LUZP2: variants seen among roughly 807,000 people sequenced by gnomAD.
The protein encoded by LUZP2 is leucine zipper protein 2.
In LUZP2, 52 loss-of-function variants were observed where a neutral mutation model predicts 51.6. That is an observed-to-expected ratio of 1.01 (90% CI 0.81 to 1.27). The LOEUF (loss-of-function observed/expected upper bound fraction) is 1.27, where lower values mean the gene tolerates loss of function less well. Ranked by LOEUF, LUZP2 falls within the 50% of genes most tolerant of loss-of-function variation. The pLI, the probability that LUZP2 is intolerant of heterozygous loss-of-function variation, is 0.00. For synonymous variants in LUZP2, 154 were observed against 137.3 expected (o/e 1.12, Z -0.85); for missense variants, 436 against 395.4 (o/e 1.10, Z -0.87).
intron 1 of LUZP2, among the ~76,000 whole-genome samples, chr11:24,694,837 C>T (rs541600179): frequency 1.4e-4 from 21 of 151,682 alleles, no homozygotes; most frequent in African/African-American, 5.1e-4. Context: ...AACTAAACGC[C>T]GCATGTTCTC....
intron 9 of LUZP2, among the ~76,000 whole-genome samples, chr11:24,988,195 A>G (rs1385616638): frequency 6.6e-6 from 1 of 151,996 alleles, no homozygotes; most frequent in East Asian, 1.9e-4. Flanking sequence ...TATCTCCAAC[A>G]TCCCATGAAC....
At chr11:24,805,404 A>G (rs890688785) in intron 5 of LUZP2, among the ~76,000 whole-genome samples, 23 of 152,062 alleles carry the variant, frequency 1.5e-4, no homozygotes, top group African/African-American at 5.6e-4. Context: ...ACCATATCAC[A>G]GGGTTTCACC....
At chr11:24,741,993 A>T in intron 4 of LUZP2, among the ~76,000 whole-genome samples, 1 of 132,158 alleles carries the variant, frequency 7.6e-6, no homozygotes, top group African/African-American at 2.9e-5. Flanking sequence ...TTATATATAA[A>T]TGTATATATT....
At chr11:24,763,379 G>T in intron 5 of LUZP2, 71 bp downstream of exon 5, 1 of 668,584 alleles carries the variant, frequency 1.5e-6, no homozygotes. Context: ...ATATAAAGTT[G>T]CCACTAGTTT....
chr11:24,886,152 TA>T (rs1490003566), intron 5 of LUZP2, among the ~76,000 whole-genome samples: 9 of 152,218 alleles, frequency 5.9e-5, no homozygotes, highest in African/African-American at 1.9e-4. Context: ...GTATGTATAT[TA>T]AAAACATAAT....
chr11:24,574,057 CTT>C (rs529014780), intron 1 of LUZP2, among the ~76,000 whole-genome samples: 90 of 151,160 alleles, frequency 6.0e-4, no homozygotes, highest in South Asian at 1.7e-3. Flanking sequence ...TTTTTCTTTC[CTT>C]CTCTCTTTCG....
At chr11:24,856,630 T>A (rs1206687772) in intron 5 of LUZP2, among the ~76,000 whole-genome samples, 1 of 152,124 alleles carries the variant, frequency 6.6e-6, no homozygotes, top group Admixed American at 6.5e-5. Flanking sequence ...TGTACTTGTA[T>A]GTTTATCACA....
At chr11:25,032,347 A>C (rs1177884632) in intron 9 of LUZP2, among the ~76,000 whole-genome samples, 2 of 152,206 alleles carry the variant, frequency 1.3e-5, no homozygotes, top group Admixed American at 6.6e-5. Context: ...GTATGACAAC[A>C]AATTTAGCAA....
chr11:24,834,464 T>C (rs866020273), intron 5 of LUZP2, among the ~76,000 whole-genome samples: 1 of 152,380 alleles, frequency 6.6e-6, no homozygotes, highest in East Asian at 1.9e-4. Flanking sequence ...ATGGTGTATA[T>C]GTGCCACATT....
intron 1 of LUZP2, among the ~76,000 whole-genome samples, chr11:24,547,965 A>G (rs1025489992): frequency 6.6e-6 from 1 of 152,114 alleles, no homozygotes; most frequent in Non-Finnish European, 1.5e-5. Context: ...CACACCACTA[A>G]TCATTGGAGA....
intron 5 of LUZP2, among the ~76,000 whole-genome samples, chr11:24,811,494 C>CT (rs987044606): frequency 5.7e-4 from 85 of 148,380 alleles, no homozygotes; most frequent in Admixed American, 2.2e-3. Context: ...TGGAGTAATC[C>CT]TTTTTTTTTT....
chr11:24,653,830 TGTTACG>T (rs1855716481), intron 1 of LUZP2, among the ~76,000 whole-genome samples: 1 of 152,216 alleles, frequency 6.6e-6, no homozygotes, highest in South Asian at 2.1e-4. Flanking sequence ...ACTGCCCATG[TGTTACG>T]GTAAGATATG....
chr11:24,926,277 A>ATATATATATACGTGTG (rs1436516659), intron 7 of LUZP2, among the ~76,000 whole-genome samples: 3 of 45,258 alleles, frequency 6.6e-5, no homozygotes, highest in Admixed American at 2.3e-4. Context: ...ATATACGTGT[A>ATATATATATACGTGTG]TATATATATA....
At position 24,778,919 on chromosome 11, in the gene LUZP2, G is replaced by A. The variant is rs143240919; in HGVS notation, c.396+15611G>A. Among the ~76,000 whole-genome samples, 1,128 of 152,220 alleles carry A rather than the reference G, an allele frequency of 7.4e-3. 5 individuals carry two copies. The highest frequency in any genetic ancestry group is 0.012 in the Non-Finnish European group (825 of 68,006). ...AACTGATAACATCAGTAATACCTGA[G>A]TACTAAACTCAATGTAAATTCCAAC... On this transcript the variant is annotated intron_variant, in intron 5 of 11. Transcript: ENST00000336930.
intron 5 of LUZP2, among the ~76,000 whole-genome samples, chr11:24,863,344 G>T (rs1851794103): frequency 6.6e-6 from 1 of 152,048 alleles, no homozygotes; most frequent in South Asian, 2.1e-4. Flanking sequence ...AATGTTGTTT[G>T]TCCATAAAAT....
chr11:24,744,143 T>C (rs886172989), intron 4 of LUZP2, among the ~76,000 whole-genome samples: 26 of 152,146 alleles, frequency 1.7e-4, no homozygotes, highest in African/African-American at 5.1e-4. Flanking sequence ...TTAGTGTCTA[T>C]GTTCATGAAG....
At chr11:24,945,184 C>T (rs1016946226) in intron 7 of LUZP2, among the ~76,000 whole-genome samples, 5 of 152,096 alleles carry the variant, frequency 3.3e-5, no homozygotes, top group African/African-American at 4.8e-5. Context: ...GCATCCTTTC[C>T]GCATCTTTCT....
rs1409342456 is a variant in LUZP2 at position 24,648,910 on chromosome 11, A to G, written c.63-80259A>G. Among the ~76,000 whole-genome samples, 3 of 152,096 alleles carry G rather than the reference A, an allele frequency of 2.0e-5. No individual in the cohort carries two copies. The East Asian group carries it at 5.8e-4, about 29-fold the overall frequency. On this transcript the variant is annotated intron_variant, in intron 1 of 11. Coordinates refer to ENST00000336930, the MANE Select transcript of LUZP2 (RefSeq NM_001009909.4). Reference sequence around the variant, plus strand: ...TGGAACTAACCTAATATTTTCTTTAATGACCCCTCTAAATATTTTCTATCA... The same window carrying G: ...TGGAACTAACCTAATATTTTCTTTAGTGACCCCTCTAAATATTTTCTATCA...
chr11:24,800,226 A>G (rs1056380121), intron 5 of LUZP2, among the ~76,000 whole-genome samples: 8 of 152,096 alleles, frequency 5.3e-5, no homozygotes, highest in Non-Finnish European at 8.8e-5. Flanking sequence ...ATAACGGATA[A>G]GCTTTTTCTC....
Sources: allele counts gnomAD v4.1 joint callset (sites outside exome capture counted in the v4.1 genomes callset), GRCh38; gene constraint gnomAD v4.1.1; transcripts MANE v1.5; gene names NCBI Gene and HGNC (gene_info 2026-07-23, HGNC 2026-07-21).